Variants in PDCD6 observed in about 807,000 individuals in gnomAD.
PDCD6 encodes programmed cell death 6, also known as programmed cell death protein 6.
A neutral mutation model predicts 28.3 loss-of-function variants in PDCD6; 12 were observed. The ratio of observed to expected loss-of-function variants is 0.42; its 90% CI spans 0.27 to 0.69. The LOEUF (loss-of-function observed/expected upper bound fraction) is 0.69, where lower values mean the gene tolerates loss of function less well. Among genes scored for constraint, PDCD6 ranks in the 30% least tolerant of loss-of-function variants. The pLI is 0.22. For missense variants in PDCD6, 226 were observed against 269.9 expected (o/e 0.84, Z 1.14); for synonymous variants, 92 against 108.0 (o/e 0.85, Z 0.92).
chr5:291,557 T>A (rs991697235), intron 2 of PDCD6, among the ~76,000 whole-genome samples: 1 of 151,362 alleles, frequency 6.6e-6, no homozygotes, highest in African/African-American at 2.4e-5. Context: ...CTGCGTGATC[T>A]CCCGTCTCCA....
At chr5:290,467 C>A in intron 2 of PDCD6, 1 of 608,900 alleles carries the variant, frequency 1.6e-6, no homozygotes, top group South Asian at 2.0e-5. Context: ...ACGAAGGGAG[C>A]CAGGGGAAGC....
chr5:302,111 T>TGTGTGTG (rs1561046622), intron 2 of PDCD6, among the ~76,000 whole-genome samples: 281 of 115,270 alleles, frequency 2.4e-3, no homozygotes, highest in Non-Finnish European at 3.5e-3. Flanking sequence ...TGTGTGTGCC[T>TGTGTGTG]TGGGTTCAGG....
At chr5:296,218 C>T (rs1228433961) in intron 2 of PDCD6, among the ~76,000 whole-genome samples, 1 of 152,186 alleles carries the variant, frequency 6.6e-6, no homozygotes, top group African/African-American at 2.4e-5. Flanking sequence ...GCCAGTTCAA[C>T]ACCAGATCTG....
At chr5:289,786 G>A in intron 2 of PDCD6, 2 of 1,056,648 alleles carry the variant, frequency 1.9e-6, no homozygotes, top group Non-Finnish European at 3.0e-6. Flanking sequence ...AGAAACCTTT[G>A]GTCGATTACG....
chr5:289,109 T>C, intron 2 of PDCD6: 3 of 1,193,542 alleles, frequency 2.5e-6, no homozygotes, highest in African/African-American at 1.5e-5. Context: ...ATTATTTTTC[T>C]TGATTTTTTC....
In PDCD6 at chr5:275,869, C is replaced by T. The variant is rs550183760; in HGVS notation, c.163+3097C>T. 29 of 436,410 alleles carry T rather than the reference C, an allele frequency of 6.6e-5. 1 individual carries two copies. The highest frequency in any genetic ancestry group is 4.5e-4 in the East Asian group (6 of 13,218). The allele number at this position is 436,410 out of a possible 1,614,324, so 27.0% of individuals were successfully genotyped here. On this transcript the variant is annotated intron_variant, in intron 2 of 5. Coordinates refer to ENST00000264933, the MANE Select transcript of PDCD6 (RefSeq NM_013232.4). Reference sequence around the variant, plus strand: ...TTGCTCCTCACATGTGAGCATTCACCGTGGCCCTGTGTTTTTCCACCACAC... The same window carrying T: ...TTGCTCCTCACATGTGAGCATTCACTGTGGCCCTGTGTTTTTCCACCACAC...
At position 275,891 on chromosome 5, in the gene PDCD6, A is replaced by G. The variant is rs1333613126; in HGVS notation, c.163+3119A>G. 9.4e-6 allele frequency: 5 copies of G among 532,036 alleles called. No homozygotes were observed. The African/African-American group carries it at 9.8e-5, about 10-fold the overall frequency. 33.0% of individuals were successfully genotyped at this position (532,036 alleles called of 1,614,324 possible). On this transcript the variant is annotated intron_variant, in intron 2 of 5. Transcript: ENST00000264933. ...CACCGTGGCCCTGTGTTTTTCCACC[A>G]CACCTCTGCCTGGTGGCATCCTACT... is the stretch of plus-strand genomic sequence containing the variant.
At chr5:278,669 T>G (rs973648692) in intron 2 of PDCD6, among the ~76,000 whole-genome samples, 9 of 149,446 alleles carry the variant, frequency 6.0e-5, no homozygotes, top group African/African-American at 2.2e-4. Context: ...ACCGAGATCG[T>G]GCCATTGCAC....
chr5:277,200 A>T (rs1377997295), intron 2 of PDCD6, among the ~76,000 whole-genome samples: 2 of 152,112 alleles, frequency 1.3e-5, no homozygotes, highest in African/African-American at 4.8e-5. Context: ...CTCTTGGCTC[A>T]CTACAACCTC....
chr5:310,145 G>T (rs1379517669), intron 4 of PDCD6: 2 of 166,740 alleles, frequency 1.2e-5, no homozygotes, highest in Non-Finnish European at 2.6e-5. Flanking sequence ...GAGGAGGTGG[G>T]AGTAGTAGGG....
At chr5:278,848 C>T (rs982415699) in intron 2 of PDCD6, among the ~76,000 whole-genome samples, 2 of 24,324 alleles carry the variant, frequency 8.2e-5, no homozygotes, top group Non-Finnish European at 1.6e-4. Context: ...GCTGGGGATG[C>T]GGGGGAGGGT....
intron 2 of PDCD6, among the ~76,000 whole-genome samples, chr5:299,568 A>G (rs1428675484): frequency 6.9e-6 from 1 of 144,868 alleles, no homozygotes; most frequent in African/African-American, 2.6e-5. Flanking sequence ...TTTTTTCTTT[A>G]AGACAGAGTC....
Position 310,051 on chromosome 5 carries a change from T to G in PDCD6, c.368-1242T>G, listed in dbSNP as rs954154953. 6 of 259,678 alleles carry G rather than the reference T, an allele frequency of 2.3e-5. No homozygotes were observed. The Admixed American group carries it at 3.1e-4, about 13-fold the overall frequency. 16.1% of individuals were successfully genotyped at this position (259,678 alleles called of 1,614,324 possible). A position where few individuals can be genotyped will look rare whatever the true frequency, so the allele number is the denominator to read the frequency against. On this transcript the variant is annotated intron_variant, in intron 4 of 5. Coordinates refer to ENST00000264933, the MANE Select transcript of PDCD6 (RefSeq NM_013232.4). ...CACCAGTGATGGCCTCTGTCCCCCA[T>G]GCACTCCCAGACAGGCAATGTCCCT...
At position 314,421 on chromosome 5, in the gene PDCD6, T is replaced by C. The variant is rs774240050; in HGVS notation, c.482T>C (p.Leu161Ser). The C allele has an allele frequency of 6.2e-7, 1 of 1,610,282 alleles. No individual in the cohort carries two copies. Among genetic ancestry groups the C allele is most frequent in the Non-Finnish European group, 8.5e-7 (1 of 1,176,806 alleles). Residue 161 changes from leucine (L) to serine (S), a missense_variant, in exon 6 of 6, where the codon TTG becomes TCG. This residue lies in a region of PDCD6 where 151 missense variants were observed against 177.2 expected (regional missense o/e 0.85). Coordinates refer to ENST00000264933, the MANE Select transcript of PDCD6 (RefSeq NM_013232.4). ...AAATGCCTGTTTTCTCCCCAGAGGTTGACGGATATATTCAGACGTTACGAC... is the reference window on the plus strand; with the variant it reads ...AAATGCCTGTTTTCTCCCCAGAGGTCGACGGATATATTCAGACGTTACGAC... The part of the protein sequence containing the change: ...FIQGCIVLQR[L>S]TDIFRRYDTD...
chr5:282,467 A>T (rs1337889834), intron 2 of PDCD6, among the ~76,000 whole-genome samples: 3 of 150,846 alleles, frequency 2.0e-5, no homozygotes, highest in Admixed American at 2.0e-4. Flanking sequence ...GCAGACCCAG[A>T]GAGGAACTGA....
At chr5:298,991 T>C (rs111217415) in intron 2 of PDCD6, among the ~76,000 whole-genome samples, 160 of 8,498 alleles carry the variant, frequency 0.019, 24 homozygotes, top group African/African-American at 0.1. Flanking sequence ...CCCACCCAGC[T>C]GCTCCCCACT....
chr5:301,682 GTGC>G (rs1740063091), intron 2 of PDCD6, among the ~76,000 whole-genome samples: 1 of 151,446 alleles, frequency 6.6e-6, no homozygotes, highest in Non-Finnish European at 1.5e-5. Context: ...GGGTCGTCGA[GTGC>G]TGCTGTGTGT....
rs1426228594 is a variant in PDCD6, at chr5:314,832, A to G, written c.*317A>G. 1.2e-5 allele frequency: 5 copies of G among 422,566 alleles called. No homozygotes were observed. The highest frequency in any genetic ancestry group is 2.2e-5 in the Non-Finnish European group (5 of 224,866). The allele number at this position is 422,566 out of a possible 1,614,324, so 26.2% of individuals were successfully genotyped here. A position where few individuals can be genotyped will look rare whatever the true frequency, so the allele number is the denominator to read the frequency against. On this transcript the variant is annotated 3_prime_UTR_variant, in exon 6 of 6. Transcript: ENST00000264933. ...TAGATGTCTCTGGTTCTATAGTGCA[A>G]ATGCTTTTATTAGCCAATAGGAATT...
intron 2 of PDCD6, among the ~76,000 whole-genome samples, chr5:286,392 G>A (rs1437551605): frequency 1.3e-5 from 2 of 151,586 alleles, no homozygotes; most frequent in South Asian, 2.1e-4. Flanking sequence ...TGATGTTCCC[G>A]TTTGAGGGCT....
Sources: gnomAD v4.1 joint callset for allele counts (sites outside exome capture counted in the v4.1 genomes callset) on GRCh38, gnomAD v4.1.1 for gene constraint, gnomAD v4.1.1 regional missense constraint, MANE v1.5 for transcripts, NCBI Gene and HGNC (gene_info 2026-07-23, HGNC 2026-07-21) for gene names.